OSBPL8: variants seen among roughly 807,000 people sequenced by gnomAD.
OSBPL8 encodes oxysterol-binding protein-related protein 8.
A neutral mutation model predicts 125.5 loss-of-function variants in OSBPL8; 59 were observed. The observed-to-expected ratio is 0.47, with a 90% CI of 0.38 to 0.58. The LOEUF (loss-of-function observed/expected upper bound fraction) is 0.58, where lower values mean the gene tolerates loss of function less well. Ranked by LOEUF, OSBPL8 falls within the 20% of genes least tolerant of loss-of-function variation. OSBPL8 has a pLI of 0.00. For missense variants in OSBPL8, 758 were observed against 1,047.8 expected (o/e 0.72, Z 3.82); for synonymous variants, 330 against 338.9 (o/e 0.97, Z 0.29).
At chr12:76,462,167 C>G (rs1874822939) in intron 2 of OSBPL8, among the ~76,000 whole-genome samples, 1 of 152,166 alleles carries the variant, frequency 6.6e-6, no homozygotes, top group Non-Finnish European at 1.5e-5. Flanking sequence ...AGTTCATCTT[C>G]TATTTAAAGA....
At chr12:76,369,096 C>T in intron 21 of OSBPL8, 118 bp downstream of exon 21, 1 of 1,322,668 alleles carries the variant, frequency 7.6e-7, no homozygotes. Flanking sequence ...GAGTTCAGAG[C>T]TGCGTATTTT....
At chr12:76,527,364 C>T (rs1036431215) in intron 1 of OSBPL8, among the ~76,000 whole-genome samples, 1 of 152,110 alleles carries the variant, frequency 6.6e-6, no homozygotes, top group African/African-American at 2.4e-5. Context: ...TTGATCCTAC[C>T]TAATCAGGAA....
At chr12:76,403,817 C>T (rs1051372692) in intron 5 of OSBPL8, among the ~76,000 whole-genome samples, 1 of 152,050 alleles carries the variant, frequency 6.6e-6, no homozygotes, top group Non-Finnish European at 1.5e-5. Context: ...GTATACAACT[C>T]CCTCAATTTT....
rs573409160 is a variant in OSBPL8 at position 76,526,635 on chromosome 12, CTTTTTTTTTTTTTTTTTTTT to C, written c.-68+32742_-68+32761del. 7.8e-5 allele frequency among the ~76,000 whole-genome samples: 5 copies of C among 64,262 alleles called. 1 individual carries two copies. In the South Asian group the frequency reaches 3.2e-3, roughly 41 times the overall value. 42.2% of individuals were successfully genotyped at this position (64,262 alleles called of 152,430 possible). On this transcript the variant is annotated intron_variant, in intron 1 of 23. Coordinates refer to ENST00000261183, the MANE Select transcript of OSBPL8 (RefSeq NM_020841.5). ...TGTTATACTTGCTATCAGTAAATCT[CTTTTTTTTTTTTTTTTTTTT>C]TTTTTTTTTTTTTGAGACAGGGTCT...
At chr12:76,517,727 T>A (rs1344818715) in intron 1 of OSBPL8, among the ~76,000 whole-genome samples, 2 of 152,196 alleles carry the variant, frequency 1.3e-5, no homozygotes, top group Non-Finnish European at 2.9e-5. Context: ...CAGCTTCTGA[T>A]GAGGCTTCAC....
At chr12:76,435,693 G>C (rs1871361436) in intron 4 of OSBPL8, among the ~76,000 whole-genome samples, 1 of 151,964 alleles carries the variant, frequency 6.6e-6, no homozygotes, top group Admixed American at 6.6e-5. Context: ...AAAATAAAAA[G>C]ATCGTTCCAG....
At chr12:76,518,911 C>T (rs1178460191) in intron 1 of OSBPL8, among the ~76,000 whole-genome samples, 1 of 152,212 alleles carries the variant, frequency 6.6e-6, no homozygotes, top group African/African-American at 2.4e-5. Context: ...ATGGGAGAGG[C>T]TGCTTCTAAG....
At chr12:76,459,660 T>A (rs1445919983) in intron 3 of OSBPL8, among the ~76,000 whole-genome samples, 199 bp downstream of exon 3, 4 of 152,162 alleles carry the variant, frequency 2.6e-5, no homozygotes, top group African/African-American at 9.7e-5. Flanking sequence ...TGCCTATGAA[T>A]CTCAGATGGA....
intron 22 of OSBPL8, among the ~76,000 whole-genome samples, chr12:76,357,307 T>C (rs1402115517): frequency 6.6e-6 from 1 of 152,194 alleles, no homozygotes; most frequent in Non-Finnish European, 1.5e-5. Context: ...CACAGGGTTG[T>C]TGTAAGGTGT....
intron 2 of OSBPL8, among the ~76,000 whole-genome samples, chr12:76,475,294 C>T (rs771142472): frequency 6.6e-6 from 1 of 152,026 alleles, no homozygotes; most frequent in East Asian, 1.9e-4. Flanking sequence ...TTTAAAAAAC[C>T]TTCATATGTT....
intron 14 of OSBPL8, among the ~76,000 whole-genome samples, chr12:76,385,637 G>A (rs1953276284): frequency 6.6e-6 from 1 of 151,990 alleles, no homozygotes; most frequent in Admixed American, 6.6e-5. Context: ...AAGCGGGTCA[G>A]GGTTTGTTTA....
chr12:76,513,727 A>G (rs1881239441), intron 1 of OSBPL8, among the ~76,000 whole-genome samples: 1 of 130,822 alleles, frequency 7.6e-6, no homozygotes. Context: ...GTCTGAAATT[A>G]GGATTCTAAC....
At chr12:76,526,489 G>A (rs1230292957) in intron 1 of OSBPL8, among the ~76,000 whole-genome samples, 1 of 151,294 alleles carries the variant, frequency 6.6e-6, no homozygotes, top group Non-Finnish European at 1.5e-5. Flanking sequence ...TTTTTTACTG[G>A]CCTTTAACTT....
At chr12:76,555,341 T>C (rs1346879629) in intron 1 of OSBPL8, among the ~76,000 whole-genome samples, 1 of 151,818 alleles carries the variant, frequency 6.6e-6, no homozygotes, top group Non-Finnish European at 1.5e-5. Flanking sequence ...CTCCTTGTGG[T>C]CTGTAACATT....
At chr12:76,423,418 G>A (rs564506391) in intron 4 of OSBPL8, among the ~76,000 whole-genome samples, 3 of 152,254 alleles carry the variant, frequency 2.0e-5, no homozygotes, top group Middle Eastern at 3.4e-3. Context: ...AATATGAGCT[G>A]CTACTGTTCC....
intron 1 of OSBPL8, among the ~76,000 whole-genome samples, chr12:76,504,239 ATGTGTG>A (rs1415465263): frequency 3.3e-5 from 5 of 151,940 alleles, no homozygotes; most frequent in Non-Finnish European, 7.4e-5. Context: ...TTGTGTGTGT[ATGTGTG>A]TGTGTCCCCA....
intron 8 of OSBPL8, among the ~76,000 whole-genome samples, chr12:76,395,898 C>A (rs1194393414): frequency 6.6e-6 from 1 of 151,520 alleles, no homozygotes; most frequent in Non-Finnish European, 1.5e-5. Context: ...CTCTCTTCTT[C>A]CAATATTAAG....
chr12:76,373,942 C>G (rs940178321), intron 17 of OSBPL8, among the ~76,000 whole-genome samples: 3 of 152,136 alleles, frequency 2.0e-5, no homozygotes, highest in Non-Finnish European at 2.9e-5. Context: ...ACTAACATCT[C>G]TCCTTAGAGA....
At chr12:76,360,608 C>G (rs943142878) in intron 21 of OSBPL8, among the ~76,000 whole-genome samples, 16 of 152,374 alleles carry the variant, frequency 1.1e-4, no homozygotes, top group African/African-American at 3.6e-4. Flanking sequence ...CTGCACTGTG[C>G]TAGCAGAGGT....
Sources: gnomAD v4.1 joint callset for allele counts (sites outside exome capture counted in the v4.1 genomes callset) on GRCh38, gnomAD v4.1.1 for gene constraint, MANE v1.5 for transcripts, NCBI Gene and HGNC (gene_info 2026-07-23, HGNC 2026-07-21) for gene names.